The following RORB variants were observed in gnomAD, a reference collection of about 807,000 sequenced individuals.
RORB encodes nuclear receptor ROR-beta.
A neutral mutation model predicts 59.1 loss-of-function variants in RORB; 6 were observed. The ratio of observed to expected loss-of-function variants is 0.10; its 90% confidence interval spans 0.06 to 0.20. The LOEUF is 0.20. Among genes scored for constraint, RORB ranks in the 10% least tolerant of loss-of-function variants. The pLI, the probability that RORB is intolerant of heterozygous loss-of-function variation, is 1.00. For missense variants in RORB, 320 were observed against 560.5 expected, an observed-to-expected ratio of 0.57 and a Z score of 4.33; for synonymous variants, 215 against 204.5, an observed-to-expected ratio of 1.05 and a Z score of -0.44.
intron 1 of RORB, among the ~76,000 whole-genome samples, chr9:74,515,428 C>A (rs1306620041): frequency 6.6e-6 from 1 of 151,704 alleles, no homozygotes; most frequent in Non-Finnish European, 1.5e-5. Flanking sequence ...ATTATTATAC[C>A]CATTGTGTTT....
chr9:74,549,832 G>A (rs1335090734), intron 1 of RORB, among the ~76,000 whole-genome samples: 2 of 151,994 alleles, frequency 1.3e-5, no homozygotes, highest in Non-Finnish European at 2.9e-5. Context: ...GGGTTCAAGC[G>A]ATTCTCCTGT....
chr9:74,639,005 G>A (rs2118449672), intron 3 of RORB, among the ~76,000 whole-genome samples: 1 of 152,300 alleles, frequency 6.6e-6, no homozygotes, highest in East Asian at 1.9e-4. Flanking sequence ...TCTTTGTTGA[G>A]TTTTTAGATG....
intron 1 of RORB, among the ~76,000 whole-genome samples, chr9:74,620,002 CTT>C (rs981989665): frequency 6.6e-6 from 1 of 151,832 alleles, no homozygotes. Flanking sequence ...CTAAAATTCT[CTT>C]TTTTTTGCTG....
At chr9:74,577,512 A>G (rs995812302) in intron 1 of RORB, among the ~76,000 whole-genome samples, 3 of 152,058 alleles carry the variant, frequency 2.0e-5, no homozygotes, top group Non-Finnish European at 4.4e-5. Context: ...TAGTGTGTAT[A>G]TTTCTATTTG....
intron 1 of RORB, among the ~76,000 whole-genome samples, chr9:74,592,378 A>G (rs1822911811): frequency 6.6e-6 from 1 of 152,152 alleles, no homozygotes; most frequent in African/African-American, 2.4e-5. Flanking sequence ...GCCCTGGGAG[A>G]TTTCTCACAT....
intron 6 of RORB, among the ~76,000 whole-genome samples, chr9:74,663,836 TAGCACCCCAAG>T (rs1345569876): frequency 6.6e-6 from 1 of 152,098 alleles, no homozygotes; most frequent in African/African-American, 2.4e-5. Flanking sequence ...CTCCAAAAGC[TAGCACCCCAAG>T]AGAACACTAG....
intron 1 of RORB, among the ~76,000 whole-genome samples, chr9:74,587,014 C>G (rs1394508341): frequency 6.6e-6 from 1 of 152,186 alleles, no homozygotes; most frequent in East Asian, 1.9e-4. Flanking sequence ...TACTGCCTTA[C>G]AGATCAGATT....
intron 1 of RORB, among the ~76,000 whole-genome samples, chr9:74,597,187 A>G (rs1042296899): frequency 3.3e-5 from 5 of 152,196 alleles, no homozygotes; most frequent in Admixed American, 2.0e-4. Flanking sequence ...TCACTGCTCT[A>G]TAGGAAGTAG....
chr9:74,690,755 A>C lies in RORB; in HGVS notation c.*5137A>C, dbSNP rs1339527815. ...TGTCACAACTAGAGGATATAACAGG[A>C]GGTCAGTTTAAAAAATAGCAAACAG... On this transcript the variant is annotated 3_prime_UTR_variant, in exon 10 of 10. Transcript: ENST00000376896. The C allele has an allele frequency of 1.3e-5, 2 of 152,200 alleles. No homozygotes were observed. Among genetic ancestry groups the C allele is most frequent in the African/African-American group, 2.4e-5 (1 of 41,444 alleles). 9.4% of individuals were successfully genotyped at this position (152,200 alleles called of 1,614,324 possible).
intron 1 of RORB, among the ~76,000 whole-genome samples, chr9:74,499,492 G>T (rs1237285547): frequency 6.6e-6 from 1 of 152,132 alleles, no homozygotes; most frequent in African/African-American, 2.4e-5. Flanking sequence ...GGGGGAGGGG[G>T]TTGACTGTAG....
chr9:74,508,185 T>G (rs1038981494), intron 1 of RORB, among the ~76,000 whole-genome samples: 12 of 151,934 alleles, frequency 7.9e-5, no homozygotes, highest in Non-Finnish European at 2.9e-5. Flanking sequence ...AAAAGTTAAG[T>G]ACCAAAGGAA....
intron 2 of RORB, among the ~76,000 whole-genome samples, chr9:74,633,187 A>G (rs944390772): frequency 6.6e-6 from 1 of 152,316 alleles, no homozygotes; most frequent in Middle Eastern, 3.4e-3. Flanking sequence ...TTTTTGCATT[A>G]ATGTAGATTT....
chr9:74,582,410 C>CCATG (rs1388604942), intron 1 of RORB, among the ~76,000 whole-genome samples: 3 of 152,032 alleles, frequency 2.0e-5, no homozygotes, highest in Non-Finnish European at 4.4e-5. Flanking sequence ...GGCTCAGAGC[C>CCATG]CATGCCCTAG....
chr9:74,612,575 T>G (rs1386049050), intron 1 of RORB, among the ~76,000 whole-genome samples: 3 of 152,200 alleles, frequency 2.0e-5, no homozygotes, highest in African/African-American at 7.2e-5. Flanking sequence ...ACAAGCATAC[T>G]CTGTGCTATT....
At position 74,685,546 on chromosome 9, in the gene RORB, G is replaced by A. The variant is rs1824626721; in HGVS notation, c.1308G>A (p.Glu436=). ...KLQVFKQSHP[E]IVNTLFPPLY... is the part of the protein sequence containing the mutation. Reference sequence around the variant, plus strand: ...AGGTATTTAAGCAATCTCATCCAGAGATAGTGAATACACTGTTTCCTCCGT... The same window carrying A: ...AGGTATTTAAGCAATCTCATCCAGAAATAGTGAATACACTGTTTCCTCCGT... Residue 436 remains glutamate (E), a synonymous_variant, in exon 10 of 10, where the codon GAG becomes GAA. Transcript: ENST00000376896. 1 of 1,613,444 alleles carries A rather than the reference G, an allele frequency of 6.2e-7. No individual in the cohort carries two copies. Among genetic ancestry groups the A allele is most frequent in the South Asian group, 1.1e-5 (1 of 91,038 alleles).
chr9:74,630,645 T>G (rs1447386974), intron 2 of RORB, among the ~76,000 whole-genome samples: 1 of 152,194 alleles, frequency 6.6e-6, no homozygotes, highest in South Asian at 2.1e-4. Flanking sequence ...CACTGACTCT[T>G]GCTGTTTTAG....
At chr9:74,663,154 A>T (rs1824216697) in intron 6 of RORB, among the ~76,000 whole-genome samples, 1 of 152,162 alleles carries the variant, frequency 6.6e-6, no homozygotes, top group African/African-American at 2.4e-5. Context: ...GACTTTGCGG[A>T]TGTTATTACC....
intron 1 of RORB, among the ~76,000 whole-genome samples, chr9:74,629,820 AGCT>A (rs1823585954): frequency 2.0e-5 from 3 of 152,206 alleles, no homozygotes; most frequent in Non-Finnish European, 4.4e-5. Flanking sequence ...CAATGTATAA[AGCT>A]ACCATGCACT....
At chr9:74,604,268 A>G (rs771682287) in intron 1 of RORB, among the ~76,000 whole-genome samples, 10 of 152,170 alleles carry the variant, frequency 6.6e-5, no homozygotes, top group Non-Finnish European at 1.0e-4. Context: ...TCATACCCTA[A>G]GCAATATAAA....
Sources: gnomAD v4.1 joint callset for allele counts (sites outside exome capture counted in the v4.1 genomes callset) on GRCh38, gnomAD v4.1.1 for gene constraint, MANE v1.5 for transcripts, NCBI Gene and HGNC (gene_info 2026-07-23, HGNC 2026-07-21) for gene names.